Variants in IL23R observed in about 807,000 individuals in gnomAD.
IL23R encodes interleukin 23 receptor, also known as interleukin-23 receptor.
In IL23R, 34 loss-of-function variants were observed where a neutral mutation model predicts 56.9. That is an observed-to-expected ratio of 0.60 (90% CI 0.45 to 0.80). The LOEUF (loss-of-function observed/expected upper bound fraction) is 0.80. IL23R is among the 30% of genes least tolerant of loss of function. IL23R has a pLI of 0.00. For missense variants in IL23R, 635 were observed against 730.0 expected (o/e 0.87, Z 1.50); for synonymous variants, 230 against 249.2 (o/e 0.92, Z 0.73).
At chr1:67,167,198 G>C (rs1646883622) in intron 1 of IL23R, among the ~76,000 whole-genome samples, 1 of 152,134 alleles carries the variant, frequency 6.6e-6, no homozygotes, top group South Asian at 2.1e-4. Flanking sequence ...CACCTCCCGG[G>C]TAGCTGGGAT....
At chr1:67,169,138 C>CAAAAAAAAAAAAAAAAAAAAAAAA (rs5774855) in intron 2 of IL23R, among the ~76,000 whole-genome samples, 1 of 81,300 alleles carries the variant, frequency 1.2e-5, no homozygotes, top group African/African-American at 4.9e-5. Flanking sequence ...GAGACTGTCT[C>CAAAAAAAAAAAAAAAAAAAAAAAA]AAAAAAAAAA....
At chr1:67,188,855 T>C (rs150685636) in intron 4 of IL23R, among the ~76,000 whole-genome samples, 1 of 152,234 alleles carries the variant, frequency 6.6e-6, no homozygotes, top group African/African-American at 2.4e-5. Flanking sequence ...AACCACTTTC[T>C]AAAGGCCCCA....
chr1:67,210,553 C>T (rs185656161), intron 6 of IL23R, among the ~76,000 whole-genome samples: 25 of 152,188 alleles, frequency 1.6e-4, no homozygotes, highest in Non-Finnish European at 3.4e-4. Flanking sequence ...GCCACAACCT[C>T]TTGGGCTCAA....
At chr1:67,231,242 A>C (rs1651083590) in intron 7 of IL23R, among the ~76,000 whole-genome samples, 1 of 152,232 alleles carries the variant, frequency 6.6e-6, no homozygotes, top group South Asian at 2.1e-4. Context: ...CCTTTGGCTC[A>C]GTAATTCCTC....
intron 3 of IL23R, among the ~76,000 whole-genome samples, chr1:67,180,221 T>C (rs525927): frequency 6.6e-6 from 1 of 152,200 alleles, no homozygotes; most frequent in Non-Finnish European, 1.5e-5. Context: ...AGTGGGGTGT[T>C]AAAGTCTCCC....
At chr1:67,143,983 C>T (rs917567316) in intron 1 of IL23R, among the ~76,000 whole-genome samples, 4 of 152,092 alleles carry the variant, frequency 2.6e-5, no homozygotes, top group Non-Finnish European at 4.4e-5. Flanking sequence ...CACTTGATGG[C>T]CCATACCAAA....
At chr1:67,260,789 C>A (rs1286148204), downstream of IL23R, among the ~76,000 whole-genome samples, 4 of 152,100 alleles carry the variant, frequency 2.6e-5, no homozygotes, top group Non-Finnish European at 5.9e-5. Context: ...CCTAGCTACT[C>A]AGGAGGCTGA....
intron 3 of IL23R, among the ~76,000 whole-genome samples, chr1:67,182,097 G>T (rs1647153974): frequency 6.6e-6 from 1 of 152,202 alleles, no homozygotes; most frequent in African/African-American, 2.4e-5. Context: ...ACTTGAGGAG[G>T]CAGTCTGTCC....
intron 7 of IL23R, among the ~76,000 whole-genome samples, chr1:67,235,691 C>T (rs908090137): frequency 7.9e-5 from 12 of 152,176 alleles, no homozygotes; most frequent in African/African-American, 2.9e-4. Context: ...CTGTGTCTGG[C>T]CAGACCAGCC....
At chr1:67,263,873 A>G (rs1212389530), downstream of IL23R, among the ~76,000 whole-genome samples, 1 of 152,178 alleles carries the variant, frequency 6.6e-6, no homozygotes, top group African/African-American at 2.4e-5. Context: ...CAAAAAAAAA[A>G]AAAAGCAATC....
chr1:67,197,937 A>G (rs1648288003), intron 4 of IL23R, among the ~76,000 whole-genome samples: 1 of 112,936 alleles, frequency 8.9e-6, no homozygotes, highest in Non-Finnish European at 1.8e-5. Context: ...CCCTGTCATT[A>G]AAAAAGAAAA....
At chr1:67,157,408 T>C (rs529334141) in intron 1 of IL23R, among the ~76,000 whole-genome samples, 1 of 152,326 alleles carries the variant, frequency 6.6e-6, no homozygotes, top group South Asian at 2.1e-4. Context: ...ATCTGTAGAA[T>C]AAAATTGTTT....
At chr1:67,151,819 T>C (rs114502016) in intron 1 of IL23R, among the ~76,000 whole-genome samples, 1,744 of 152,184 alleles carry the variant, frequency 0.011, 32 homozygotes, top group African/African-American at 0.04. Flanking sequence ...TATGTCTATA[T>C]GTCTACTGTT....
At chr1:67,226,933 G>A (rs1406712232) in intron 7 of IL23R, among the ~76,000 whole-genome samples, 9 of 152,310 alleles carry the variant, frequency 5.9e-5, no homozygotes, top group African/African-American at 2.2e-4. Context: ...CCAAAGCACA[G>A]GATATAGGAC....
intron 9 of IL23R, among the ~76,000 whole-genome samples, chr1:67,242,178 T>G (rs999716047): frequency 1.1e-4 from 16 of 152,200 alleles, no homozygotes; most frequent in Non-Finnish European, 2.2e-4. Context: ...GAAGGCCTCC[T>G]GGCAATGTTC....
At chr1:67,179,168 A>G (rs79330259) in intron 3 of IL23R, among the ~76,000 whole-genome samples, 2,034 of 152,220 alleles carry the variant, frequency 0.013, 16 homozygotes, top group Non-Finnish European at 0.018. Context: ...TTTTCTATTG[A>G]TTGGAATAGT....
chr1:67,236,595 C>T (rs922816577), intron 7 of IL23R, 118 bp from the exon 8 acceptor site: 6 of 719,992 alleles, frequency 8.3e-6, no homozygotes, highest in Non-Finnish European at 2.6e-6. Flanking sequence ...CCCTTCAAGC[C>T]CATTAAAGTT....
At chr1:67,200,982 T>C in intron 5 of IL23R, 85 bp downstream of exon 5, 1 of 1,359,812 alleles carries the variant, frequency 7.4e-7, no homozygotes, top group Non-Finnish European at 1.0e-6. Context: ...TGAAAGAAGT[T>C]CCCCTAAAGT....
intron 9 of IL23R, among the ~76,000 whole-genome samples, chr1:67,247,233 C>A (rs191482831): frequency 1.5e-4 from 23 of 151,664 alleles, no homozygotes; most frequent in African/African-American, 4.8e-4. Flanking sequence ...CTGAATACAG[C>A]ACTACTGATG....
Sources: allele counts gnomAD v4.1 joint callset (sites outside exome capture counted in the v4.1 genomes callset), GRCh38; gene constraint gnomAD v4.1.1; transcripts MANE v1.5; gene names NCBI Gene and HGNC (gene_info 2026-07-23, HGNC 2026-07-21).